The following KIF26B variants were observed in gnomAD, a reference collection of about 807,000 sequenced individuals.
The protein encoded by KIF26B is kinesin family member 26B.
KIF26B carries 63 observed loss-of-function variants against 151.2 expected under a neutral mutation model. The ratio of observed to expected loss-of-function variants is 0.42; its 90% confidence interval spans 0.34 to 0.51. The LOEUF (loss-of-function observed/expected upper bound fraction) is 0.51, where lower values mean the gene tolerates loss of function less well. Among genes scored for constraint, KIF26B ranks in the 20% least tolerant of loss-of-function variants. The probability of loss-of-function intolerance (pLI) is 0.07; values close to 1 mark genes in which losing one functional copy is unlikely to be tolerated. For missense variants in KIF26B, 2,813 were observed against 2,913.6 expected (o/e 0.97, Z 0.79); for synonymous variants, 1,357 against 1,262.1 (o/e 1.08, Z -1.59).
At chr1:245,612,702 A>G (rs946491694) in intron 9 of KIF26B, among the ~76,000 whole-genome samples, 4 of 152,210 alleles carry the variant, frequency 2.6e-5, no homozygotes, top group African/African-American at 9.6e-5. Flanking sequence ...GCTCGAGGCC[A>G]CTGTATGGAC....
chr1:245,646,721 T>C (rs1558250428), intron 10 of KIF26B, among the ~76,000 whole-genome samples: 1 of 150,932 alleles, frequency 6.6e-6, no homozygotes, highest in Non-Finnish European at 1.5e-5. Context: ...ACAAATAAGG[T>C]TGTATTATAA....
intron 2 of KIF26B, among the ~76,000 whole-genome samples, chr1:245,345,939 T>TC (rs981531946): frequency 6.6e-6 from 1 of 150,438 alleles, no homozygotes; most frequent in African/African-American, 2.4e-5. Context: ...TTCTTTCTTT[T>TC]TTTTTTTTTT....
intron 2 of KIF26B, among the ~76,000 whole-genome samples, chr1:245,331,177 T>C (rs532023061): frequency 2.1e-4 from 32 of 152,020 alleles, no homozygotes; most frequent in Admixed American, 1.5e-3. Context: ...GGCACAGGCT[T>C]CTCATTCCGC....
chr1:245,490,071 G>T (rs1327104837), intron 4 of KIF26B, among the ~76,000 whole-genome samples: 1 of 152,158 alleles, frequency 6.6e-6, no homozygotes, highest in Non-Finnish European at 1.5e-5. Context: ...GCTGTTTGTA[G>T]ATTTGTTCGA....
At chr1:245,223,068 G>C (rs1248675855) in intron 2 of KIF26B, among the ~76,000 whole-genome samples, 1 of 152,024 alleles carries the variant, frequency 6.6e-6, no homozygotes, top group Non-Finnish European at 1.5e-5. Context: ...AGTGTTTGGA[G>C]ACAGTTTTAG....
intron 10 of KIF26B, among the ~76,000 whole-genome samples, chr1:245,648,289 T>C (rs2043975402): frequency 6.6e-6 from 1 of 152,212 alleles, no homozygotes; most frequent in Admixed American, 6.5e-5. Flanking sequence ...GAAATTATTT[T>C]TAATTTAAAG....
chr1:245,559,037 C>T (rs534075792), intron 5 of KIF26B, among the ~76,000 whole-genome samples: 5 of 152,316 alleles, frequency 3.3e-5, no homozygotes, highest in Admixed American at 1.3e-4. Flanking sequence ...TTTGTGTGTG[C>T]GGACACGTGG....
At chr1:245,362,558 T>C (rs114756677) in intron 2 of KIF26B, among the ~76,000 whole-genome samples, 7,073 of 151,576 alleles carry the variant, frequency 0.047, 317 homozygotes, top group African/African-American at 0.11. Context: ...AAAATTTTCC[T>C]GAGGAAGAAG....
chr1:245,305,936 C>CAAAAAAAAAAAAAA (rs55865379), intron 2 of KIF26B, among the ~76,000 whole-genome samples: 8 of 86,680 alleles, frequency 9.2e-5, no homozygotes, highest in Non-Finnish European at 1.3e-4. Flanking sequence ...GACGACTCCT[C>CAAAAAAAAAAAAAA]AAAAAAAAAA....
intron 4 of KIF26B, among the ~76,000 whole-genome samples, chr1:245,453,448 G>C (rs1333800021): frequency 6.6e-6 from 1 of 151,870 alleles, no homozygotes; most frequent in Non-Finnish European, 1.5e-5. Context: ...CTGAGTTTTT[G>C]CCATCACCTT....
intron 2 of KIF26B, among the ~76,000 whole-genome samples, chr1:245,294,175 A>T (rs1185708294): frequency 6.6e-6 from 1 of 152,110 alleles, no homozygotes; most frequent in African/African-American, 2.4e-5. Context: ...GAGCTATAGA[A>T]ATGGAAGGTG....
At chr1:245,697,964 C>A in intron 12 of KIF26B, 142 bp from the exon 13 acceptor site, 1 of 708,608 alleles carries the variant, frequency 1.4e-6, no homozygotes, top group Non-Finnish European at 2.3e-6. Context: ...TTGCTTGAGC[C>A]CAGGAATTCA....
At chr1:245,212,761 C>T (rs948879338) in intron 2 of KIF26B, among the ~76,000 whole-genome samples, 6 of 152,252 alleles carry the variant, frequency 3.9e-5, no homozygotes, top group East Asian at 1.9e-4. Flanking sequence ...CTCGAACCGC[C>T]CCACTTTACC....
chr1:245,424,015 A>G (rs1658563423), intron 4 of KIF26B, among the ~76,000 whole-genome samples: 1 of 151,596 alleles, frequency 6.6e-6, no homozygotes, highest in African/African-American at 2.4e-5. Context: ...ATTTATTTTT[A>G]TTTTTTGAAG....
At chr1:245,340,038 G>A (rs535564385) in intron 2 of KIF26B, among the ~76,000 whole-genome samples, 16 of 152,292 alleles carry the variant, frequency 1.1e-4, no homozygotes, top group Admixed American at 2.6e-4. Flanking sequence ...ATGAGGAGTC[G>A]TCTTTCTTAC....
chr1:245,640,122 G>GCTCGCTCTCT (rs1553299289), intron 9 of KIF26B, among the ~76,000 whole-genome samples: 6 of 53,980 alleles, frequency 1.1e-4, no homozygotes, highest in African/African-American at 2.3e-4. Context: ...ACTAATATTT[G>GCTCGCTCTCT]CTCTCTCTCT....
chr1:245,527,526 T>G (rs1024470602), intron 4 of KIF26B, among the ~76,000 whole-genome samples: 1 of 73,382 alleles, frequency 1.4e-5, no homozygotes, highest in Non-Finnish European at 2.8e-5. Context: ...TGGGATGGCT[T>G]TTTTTTTTTT....
At chr1:245,445,305 T>C (rs1659221400) in intron 4 of KIF26B, among the ~76,000 whole-genome samples, 1 of 152,200 alleles carries the variant, frequency 6.6e-6, no homozygotes, top group Non-Finnish European at 1.5e-5. Context: ...CAAAGGGTCA[T>C]GGATAACAAT....
intron 5 of KIF26B, among the ~76,000 whole-genome samples, chr1:245,555,116 C>T (rs1661987655): frequency 6.6e-6 from 1 of 152,086 alleles, no homozygotes; most frequent in South Asian, 2.1e-4. Context: ...TCCAGTGTTT[C>T]CTAGTCTTCT....
Sources: allele counts gnomAD v4.1 joint callset (sites outside exome capture counted in the v4.1 genomes callset), GRCh38; gene constraint gnomAD v4.1.1; transcripts MANE v1.5; gene names NCBI Gene and HGNC (gene_info 2026-07-23, HGNC 2026-07-21).